Variants in RGPD2 observed in about 807,000 individuals in gnomAD.
RGPD2 encodes RANBP2 like and GRIP domain containing 2.
A neutral mutation model predicts 36.0 loss-of-function variants in RGPD2; 2 were observed. The observed-to-expected ratio is 0.06, with a 90% CI of 0.02 to 0.17. The LOEUF is 0.17. Ranked by LOEUF, RGPD2 falls within the 10% of genes least tolerant of loss-of-function variation. RGPD2 has a pLI of 1.00. For synonymous variants in RGPD2, 19 were observed against 163.8 expected, an observed-to-expected ratio of 0.12 and a Z score of 6.75; for missense variants, 40 against 464.3, an observed-to-expected ratio of 0.09 and a Z score of 8.40.
At chr2:87,922,543 T>G in the RGPD2 span, among the ~76,000 whole-genome samples, 1 of 147,948 alleles carries the variant, frequency 6.8e-6, no homozygotes, top group African/African-American at 2.5e-5. Flanking sequence ...TAGTTCTGGT[T>G]AAAATCCTTC....
chr2:87,769,305 A>G (rs1229753750), intron 22 of RGPD2, among the ~76,000 whole-genome samples: 3 of 152,000 alleles, frequency 2.0e-5, no homozygotes, highest in African/African-American at 4.8e-5. Context: ...TAAGGTATCT[A>G]AATCTGCTGC....
the RGPD2 span, among the ~76,000 whole-genome samples, chr2:87,964,080 T>C: frequency 1.3e-5 from 2 of 151,964 alleles, no homozygotes; most frequent in African/African-American, 2.4e-5. Flanking sequence ...CAGTGAACCA[T>C]CTTAGCCTCC....
At chr2:87,875,973 T>C in the RGPD2 span, among the ~76,000 whole-genome samples, 2 of 151,842 alleles carry the variant, frequency 1.3e-5, no homozygotes, top group Non-Finnish European at 2.9e-5. Flanking sequence ...TATCCATTTC[T>C]TTTAGATTTT....
At chr2:87,947,406 AG>A in the RGPD2 span, among the ~76,000 whole-genome samples, 1 of 152,266 alleles carries the variant, frequency 6.6e-6, no homozygotes, top group Non-Finnish European at 1.5e-5. Flanking sequence ...TGGGTCAAGT[AG>A]GGGCTCAGAA....
chr2:87,903,357 C>G, the RGPD2 span, among the ~76,000 whole-genome samples: 1 of 151,900 alleles, frequency 6.6e-6, no homozygotes, highest in Non-Finnish European at 1.5e-5. Flanking sequence ...GTTGCAGGCC[C>G]ACGGGAAAGA....
the RGPD2 span, among the ~76,000 whole-genome samples, chr2:87,929,077 GC>G: frequency 6.6e-6 from 1 of 151,978 alleles, no homozygotes; most frequent in Non-Finnish European, 1.5e-5. Context: ...GTCAATTTTT[GC>G]TTTTGTTGCA....
At chr2:87,857,564 G>C in the RGPD2 span, among the ~76,000 whole-genome samples, 8,845 of 145,726 alleles carry the variant, frequency 0.061, no homozygotes, top group Non-Finnish European at 0.085. Context: ...GGATGGTCTC[G>C]ATCTCCTGAC....
chr2:87,958,314 G>T, the RGPD2 span, among the ~76,000 whole-genome samples: 3 of 152,090 alleles, frequency 2.0e-5, no homozygotes, highest in Non-Finnish European at 4.4e-5. Context: ...ACTATTTTAA[G>T]TATGAACATA....
the RGPD2 span, among the ~76,000 whole-genome samples, chr2:87,976,502 T>C: frequency 8.6e-5 from 13 of 151,678 alleles, no homozygotes; most frequent in Admixed American, 1.3e-4. Context: ...CTTATTCCAT[T>C]ACTTTGCTGT....
chr2:87,828,641 AAT>A (rs1686893644), upstream of RGPD2, among the ~76,000 whole-genome samples: 1 of 152,188 alleles, frequency 6.6e-6, no homozygotes, highest in South Asian at 2.1e-4. Flanking sequence ...ATTAAAATAC[AAT>A]AGTGTCATTG....
the RGPD2 span, among the ~76,000 whole-genome samples, chr2:87,859,506 G>A: frequency 6.6e-6 from 1 of 151,692 alleles, no homozygotes; most frequent in Non-Finnish European, 1.5e-5. Flanking sequence ...TATCCAGACG[G>A]CACTCATTCT....
intron 4 of RGPD2, among the ~76,000 whole-genome samples, chr2:87,813,437 T>TTCC (rs1686185422): frequency 7.0e-6 from 1 of 142,684 alleles, no homozygotes; most frequent in Non-Finnish European, 1.5e-5. Flanking sequence ...TCCCCATACC[T>TTCC]TCCTTTGACC....
chr2:87,894,485 A>G, the RGPD2 span, among the ~76,000 whole-genome samples: 1 of 151,238 alleles, frequency 6.6e-6, no homozygotes, highest in Non-Finnish European at 1.5e-5. Flanking sequence ...AAATGTACCC[A>G]AACTTAAACC....
chr2:87,824,407 C>T (rs1686516798), intron 1 of RGPD2, among the ~76,000 whole-genome samples: 1 of 152,078 alleles, frequency 6.6e-6, no homozygotes, highest in Admixed American at 6.5e-5. Flanking sequence ...CACTCCAAAA[C>T]TCAGACATTC....
At chr2:87,837,251 CCAA>C in the RGPD2 span, among the ~76,000 whole-genome samples, 1 of 151,464 alleles carries the variant, frequency 6.6e-6, no homozygotes, top group Non-Finnish European at 1.5e-5. Flanking sequence ...AACCTTCCAC[CCAA>C]CAACAACAGA....
rs1379364078 is a variant in RGPD2, at chr2:87,818,538, CAT to C, written c.137+19_137+20del. The stretch of plus-strand genomic sequence containing the variant: ...AGGCATTGATTTTAAAAAAAGAATA[CAT>C]GTTACAGTTTGTACTTACTTTTTAG... On this transcript the variant is annotated intron_variant, in intron 2 of 22. Transcript: ENST00000398146. 14 of 824,770 alleles carry C rather than the reference CAT, an allele frequency of 1.7e-5. No homozygotes were observed. The highest frequency in any genetic ancestry group is 3.4e-5 in the African/African-American group (2 of 59,628). 51.1% of individuals were successfully genotyped at this position (824,770 alleles called of 1,614,324 possible). A position where few individuals can be genotyped will look rare whatever the true frequency, so the allele number is the denominator to read the frequency against.
the RGPD2 span, among the ~76,000 whole-genome samples, chr2:87,915,003 G>A: frequency 5.3e-5 from 8 of 151,930 alleles, no homozygotes; most frequent in Admixed American, 1.3e-4. Context: ...CAAAATTAGC[G>A]AGGCATGGTG....
the RGPD2 span, among the ~76,000 whole-genome samples, chr2:87,879,106 T>C: frequency 5.3e-5 from 8 of 152,180 alleles, no homozygotes; most frequent in Non-Finnish European, 1.2e-4. Context: ...AGTAGTGGAA[T>C]TTTATAATTA....
chr2:87,985,953 G>T, the RGPD2 span: 1 of 1,402,908 alleles, frequency 7.1e-7, no homozygotes, highest in East Asian at 2.4e-5. Flanking sequence ...TTCTTACTCT[G>T]CATGCATTTC....
Sources: allele counts gnomAD v4.1 joint callset (sites outside exome capture counted in the v4.1 genomes callset), GRCh38; gene constraint gnomAD v4.1.1; transcripts MANE v1.5; gene names NCBI Gene and HGNC (gene_info 2026-07-23, HGNC 2026-07-21).